Variants in CHIA observed in about 807,000 individuals in gnomAD.
CHIA encodes chitinase acidic.
Under a neutral mutation model 53.5 loss-of-function variants are expected in CHIA, and 47 were observed. The ratio of observed to expected loss-of-function variants is 0.88; its 90% CI spans 0.70 to 1.12. The LOEUF (loss-of-function observed/expected upper bound fraction) is 1.12, where lower values mean the gene tolerates loss of function less well. CHIA is among the 50% of genes most tolerant of loss of function. CHIA has a pLI of 0.00. For missense variants in CHIA, 652 were observed against 592.2 expected (o/e 1.10, Z -1.05); for synonymous variants, 268 against 222.2 (o/e 1.21, Z -1.83).
intron 1 of CHIA, among the ~76,000 whole-genome samples, chr1:111,301,214 G>A (rs562612751): frequency 1.3e-5 from 2 of 152,120 alleles, no homozygotes; most frequent in Non-Finnish European, 2.9e-5. Context: ...ATTTGACCCA[G>A]CGATCCCATT....
At chr1:111,304,166 CTCTT>C (rs1647991122) in intron 1 of CHIA, among the ~76,000 whole-genome samples, 1 of 152,130 alleles carries the variant, frequency 6.6e-6, no homozygotes, top group African/African-American at 2.4e-5. Flanking sequence ...TTTCAAGACT[CTCTT>C]TGCCTTTGTC....
chr1:111,294,073 C>A (rs561030456), intron 1 of CHIA, among the ~76,000 whole-genome samples: 1 of 152,216 alleles, frequency 6.6e-6, no homozygotes, highest in East Asian at 1.9e-4. Flanking sequence ...CAGAGTGAGA[C>A]CCTGTCTCAA....
intron 11 of CHIA, among the ~76,000 whole-genome samples, chr1:111,319,786 C>T (rs145775225): frequency 6.6e-6 from 1 of 152,348 alleles, no homozygotes; most frequent in East Asian, 1.9e-4. Context: ...AAATCTTTCT[C>T]AGCCCACCTG....
intron 1 of CHIA, among the ~76,000 whole-genome samples, chr1:111,294,135 T>G (rs1661199754): frequency 6.6e-6 from 1 of 152,176 alleles, no homozygotes. Flanking sequence ...GGGATTGCAT[T>G]GAATCTGTAC....
At chr1:111,291,189 C>T (rs1214317162) in intron 1 of CHIA, among the ~76,000 whole-genome samples, 3 of 152,118 alleles carry the variant, frequency 2.0e-5, no homozygotes, top group Non-Finnish European at 4.4e-5. Flanking sequence ...ATAAATCATT[C>T]TACTATAAAG....
rs1649583798 is a variant in CHIA, at chr1:111,320,494, T to C, written c.*28T>C. 1.9e-6 allele frequency: 3 copies of C among 1,600,074 alleles called. No individual in the cohort carries two copies. In the South Asian group the frequency reaches 3.3e-5, roughly 18 times the overall value. ...CTGACCTGGTCTATATTCCCTAGAG[T>C]TCCAGTCTCTTTTGCTTAGGACATG... is the stretch of plus-strand genomic sequence containing the variant. On this transcript the variant is annotated 3_prime_UTR_variant, in exon 12 of 12. Coordinates refer to ENST00000369740, the MANE Select transcript of CHIA (RefSeq NM_201653.4).
chr1:111,291,004 G>T, intron 1 of CHIA, 54 bp downstream of exon 1: 2 of 366,366 alleles, frequency 5.5e-6, no homozygotes, highest in Non-Finnish European at 1.1e-5. Context: ...ATTGCAATTT[G>T]ATTGTTATAT....
chr1:111,293,205 G>A (rs955363561), intron 1 of CHIA, among the ~76,000 whole-genome samples: 2 of 152,070 alleles, frequency 1.3e-5, no homozygotes, highest in African/African-American at 4.8e-5. Flanking sequence ...CACCAACAGG[G>A]CACAACTGCT....
Position 111,320,509 on chromosome 1 carries a change from C to T in CHIA, c.*43C>T. Reference sequence around the variant, plus strand: ...TTCCCTAGAGTTCCAGTCTCTTTTGCTTAGGACATGTTGCCCCTACCTAAA... The same window carrying T: ...TTCCCTAGAGTTCCAGTCTCTTTTGTTTAGGACATGTTGCCCCTACCTAAA... On this transcript the variant is annotated 3_prime_UTR_variant, in exon 12 of 12. Coordinates refer to ENST00000369740, the MANE Select transcript of CHIA (RefSeq NM_201653.4). The T allele has an allele frequency of 6.3e-7, 1 of 1,580,768 alleles. No individual in the cohort carries two copies. The highest frequency in any genetic ancestry group is 1.7e-4 in the Middle Eastern group (1 of 5,972).
intron 6 of CHIA, 40 bp from the exon 7 acceptor site, chr1:111,317,641 C>A (rs761779521): frequency 6.2e-7 from 1 of 1,609,656 alleles, no homozygotes; most frequent in Non-Finnish European, 8.5e-7. Flanking sequence ...GAGCTAAAAT[C>A]AGCATCATAG....
intron 1 of CHIA, among the ~76,000 whole-genome samples, chr1:111,308,084 T>TCATAAACA (rs1170609474): frequency 6.6e-6 from 1 of 152,204 alleles, no homozygotes; most frequent in East Asian, 1.9e-4. Flanking sequence ...ATTCTATGAC[T>TCATAAACA]CATAAACGCA....
chr1:111,302,953 G>A (rs1229065096), intron 1 of CHIA, among the ~76,000 whole-genome samples: 1 of 152,018 alleles, frequency 6.6e-6, no homozygotes, highest in Non-Finnish European at 1.5e-5. Flanking sequence ...GTACATAAAT[G>A]TTTGTAATTG....
chr1:111,317,476 C>T, intron 6 of CHIA: 3 of 536,606 alleles, frequency 5.6e-6, no homozygotes, highest in Non-Finnish European at 9.7e-6. Flanking sequence ...AGTGTCCTAA[C>T]TCTTATGCAT....
intron 9 of CHIA, 65 bp from the exon 10 acceptor site, chr1:111,319,055 T>C: frequency 1.3e-6 from 2 of 1,556,686 alleles, no homozygotes; most frequent in Non-Finnish European, 1.7e-6. Flanking sequence ...GAAGAAAAAT[T>C]TGAAACATGT....
intron 2 of CHIA, 125 bp from the exon 3 acceptor site, chr1:111,311,564 C>A (rs185022820): frequency 2.8e-6 from 3 of 1,073,994 alleles, no homozygotes; most frequent in Non-Finnish European, 2.8e-6. Context: ...CCTTTGGAAT[C>A]ACCACCAAAT....
intron 1 of CHIA, among the ~76,000 whole-genome samples, chr1:111,298,258 C>T (rs528364468): frequency 1.3e-5 from 2 of 152,216 alleles, no homozygotes; most frequent in Admixed American, 6.5e-5. Flanking sequence ...TAGACATCTG[C>T]AGAACTCTCC....
chr1:111,299,540 C>G (rs933066672), intron 1 of CHIA, among the ~76,000 whole-genome samples: 13 of 152,244 alleles, frequency 8.5e-5, no homozygotes, highest in South Asian at 2.1e-4. Context: ...ATTCAACAGC[C>G]CTTCATGCTA....
At chr1:111,298,304 CCACATCA>C (rs1196024338) in intron 1 of CHIA, among the ~76,000 whole-genome samples, 3 of 152,200 alleles carry the variant, frequency 2.0e-5, no homozygotes, top group African/African-American at 7.2e-5. Flanking sequence ...CTTCTCAGCA[CCACATCA>C]CACTTATTCC....
In CHIA at chr1:111,318,355, C is replaced by T. The variant is rs1049205218; in HGVS notation, c.730-138C>T. On this transcript the variant is annotated intron_variant, in intron 8 of 11. Coordinates refer to ENST00000369740, the MANE Select transcript of CHIA (RefSeq NM_201653.4). ...TCGTATTTCATTAACTACAACTTCA[C>T]CAAAATGTTTTGAAAAAAATACTAA... The T allele has an allele frequency of 1.8e-4, 161 of 885,564 alleles. 1 individual carries two copies. The Admixed American group carries it at 4.5e-3, about 25-fold the overall frequency. The allele number at this position is 885,564 out of a possible 1,614,324, so 54.9% of individuals were successfully genotyped here.
Sources: allele counts gnomAD v4.1 joint callset (sites outside exome capture counted in the v4.1 genomes callset), GRCh38; gene constraint gnomAD v4.1.1; transcripts MANE v1.5; gene names NCBI Gene and HGNC (gene_info 2026-07-23, HGNC 2026-07-21).